Variants in EOGT observed in about 807,000 individuals in gnomAD.
The protein encoded by EOGT is EGF domain specific O-linked N-acetylglucosamine transferase, also known as EGF domain-specific O-linked N-acetylglucosamine transferase.
In EOGT, 55 loss-of-function variants were observed where a neutral mutation model predicts 70.5. The ratio of observed to expected loss-of-function variants is 0.78; its 90% CI spans 0.63 to 0.98. The LOEUF is 0.98. Among genes scored for constraint, EOGT ranks in the 50% least tolerant of loss-of-function variants. The probability of loss-of-function intolerance (pLI) is 0.00; values close to 1 mark genes in which losing one functional copy is unlikely to be tolerated. For synonymous variants in EOGT, 246 were observed against 217.1 expected, an observed-to-expected ratio of 1.13 and a Z score of -1.17; for missense variants, 703 against 641.9, an observed-to-expected ratio of 1.10 and a Z score of -1.03.
At chr3:68,980,921 C>T (rs1024937516) in intron 15 of EOGT, among the ~76,000 whole-genome samples, 23 of 152,180 alleles carry the variant, frequency 1.5e-4, no homozygotes, top group African/African-American at 5.5e-4. Context: ...GAAACTACAA[C>T]ATATCCTTAA....
At chr3:68,997,648 C>G (rs908246868) in intron 10 of EOGT, among the ~76,000 whole-genome samples, 2 of 152,126 alleles carry the variant, frequency 1.3e-5, no homozygotes, top group Non-Finnish European at 2.9e-5. Context: ...TGATTATAGG[C>G]GTGAGCCACC....
chr3:69,012,726 A>G lies in EOGT; in HGVS notation c.-282T>C, dbSNP rs983364885. 2.0e-5 allele frequency: 3 copies of G among 152,284 alleles called. No individual in the cohort carries two copies. Among genetic ancestry groups the G allele is most frequent in the Non-Finnish European group, 4.4e-5 (3 of 68,134 alleles). The allele number at this position is 152,284 out of a possible 1,614,324, so 9.4% of individuals were successfully genotyped here. On this transcript the variant is annotated 5_prime_UTR_variant, in exon 2 of 18. Coordinates refer to ENST00000383701, the MANE Select transcript of EOGT (RefSeq NM_001278689.2). ...CCAGCACACGGACGCTTTACTGGCC[A>G]GGCTACTTTTCCTTCAGCTCAAAGC...
At chr3:68,984,401 T>C (rs1415479947) in intron 14 of EOGT, among the ~76,000 whole-genome samples, 1 of 152,184 alleles carries the variant, frequency 6.6e-6, no homozygotes, top group Admixed American at 6.5e-5. Flanking sequence ...AAAGGAATCA[T>C]GTGTGCTGAC....
At chr3:68,984,555 A>T (rs980331671) in intron 14 of EOGT, among the ~76,000 whole-genome samples, 2 of 152,160 alleles carry the variant, frequency 1.3e-5, no homozygotes, top group Non-Finnish European at 2.9e-5. Flanking sequence ...GTTGATTAAT[A>T]CATACCTGTT....
chr3:69,012,217 C>T (rs1234687311), intron 2 of EOGT, among the ~76,000 whole-genome samples: 1 of 152,166 alleles, frequency 6.6e-6, no homozygotes, highest in Non-Finnish European at 1.5e-5. Flanking sequence ...GACCAGATTC[C>T]AATGGGGAAC....
intron 10 of EOGT, among the ~76,000 whole-genome samples, chr3:68,997,367 C>A (rs1007561762): frequency 6.7e-6 from 1 of 148,310 alleles, no homozygotes; most frequent in African/African-American, 2.5e-5. Context: ...GAGTGAATGA[C>A]AGCCTTTTTT....
chr3:69,002,115 C>T (rs917720142), intron 8 of EOGT, among the ~76,000 whole-genome samples: 1 of 152,120 alleles, frequency 6.6e-6, no homozygotes, highest in African/African-American at 2.4e-5. Context: ...TCGCTTGAAC[C>T]TGGGAGGCAG....
intron 10 of EOGT, among the ~76,000 whole-genome samples, chr3:68,997,583 A>G (rs1375745836): frequency 6.6e-6 from 1 of 152,128 alleles, no homozygotes. Flanking sequence ...TGGCCAGGCT[A>G]GTCTCGAACT....
intron 10 of EOGT, among the ~76,000 whole-genome samples, chr3:68,996,695 T>C (rs1347496576): frequency 6.6e-6 from 1 of 152,198 alleles, no homozygotes; most frequent in African/African-American, 2.4e-5. Flanking sequence ...CTGCTAGCAC[T>C]CCCTCTGGAA....
rs192866172 is a variant in EOGT, at chr3:68,983,999, T to G, written c.1153-1127A>C. Among the ~76,000 whole-genome samples the G allele has an allele frequency of 1.1e-4, 16 of 152,194 alleles. No individual in the cohort carries two copies. In the East Asian group the frequency reaches 3.1e-3, roughly 29 times the overall value. Reference sequence around the variant, plus strand: ...AAAACATACCAAATATCATACCAAGTAAGTATTAGTACTATGCCCACTTTA... The same window carrying G: ...AAAACATACCAAATATCATACCAAGGAAGTATTAGTACTATGCCCACTTTA... On this transcript the variant is annotated intron_variant, in intron 14 of 17. Coordinates refer to ENST00000383701, the MANE Select transcript of EOGT (RefSeq NM_001278689.2).
At chr3:69,007,516 G>T in intron 6 of EOGT, among the ~76,000 whole-genome samples, 197 bp downstream of exon 6, 1 of 102,610 alleles carries the variant, frequency 9.7e-6, no homozygotes, top group East Asian at 2.8e-4. Context: ...GCGGGGGGGG[G>T]TGGCACGCGC....
intron 16 of EOGT, 131 bp from the exon 17 acceptor site, chr3:68,978,566 A>T (rs967982143): frequency 9.4e-5 from 56 of 596,984 alleles, no homozygotes; most frequent in Non-Finnish European, 1.5e-4. Flanking sequence ...TGAGGAAGAC[A>T]GTAAACAAGA....
chr3:69,001,616 A>G lies in EOGT; in HGVS notation c.719T>C (p.Leu240Ser), dbSNP rs750452142. ...AAAAAGTTATTTCTCACCTGCATCT[A>G]ATTTCATGAAATATGTTGGTTTTTC... Reference protein sequence around the residue: ...VIEKPTYFMKLDAGVNMYHHF... With the variant: ...VIEKPTYFMKSDAGVNMYHHF... Residue 240 changes from leucine (L) to serine (S), a missense_variant, in exon 9 of 18, where the codon TTA becomes TCA. Leu to Ser is a moderately radical substitution (Grantham distance 145). Coordinates refer to ENST00000383701, the MANE Select transcript of EOGT (RefSeq NM_001278689.2). 2 of 1,594,926 alleles carry G rather than the reference A, an allele frequency of 1.3e-6. No homozygotes were observed. The highest frequency in any genetic ancestry group is 1.7e-5 in the Admixed American group (1 of 58,648).
In EOGT at chr3:68,979,725, T is replaced by C. The variant is rs2090580089; in HGVS notation, c.1277A>G (p.His426Arg). 1.9e-6 allele frequency: 3 copies of C among 1,613,838 alleles called. No individual in the cohort carries two copies. The highest frequency in any genetic ancestry group is 2.5e-6 in the Non-Finnish European group (3 of 1,179,798). Residue 426 changes from histidine to arginine, a missense_variant, in exon 16 of 18, where the codon CAT becomes CGT. His to Arg is a conservative substitution (Grantham distance 29). Transcript: ENST00000383701. ...THNTDIFIGM[H>R]GAGLTHLLFL... ...AAGTAAATGGGTCAGACCAGCTCCATGCATTCCAATAAATATGTCCGTGTT... is the reference window on the plus strand; with the variant it reads ...AAGTAAATGGGTCAGACCAGCTCCACGCATTCCAATAAATATGTCCGTGTT...
chr3:68,987,682 G>T, intron 13 of EOGT, 169 bp from the exon 14 acceptor site: 2 of 613,140 alleles, frequency 3.3e-6, no homozygotes. Flanking sequence ...GAATAAAAAT[G>T]TATCCACTTC....
intron 4 of EOGT, among the ~76,000 whole-genome samples, chr3:69,009,435 G>T (rs1031636587): frequency 6.6e-6 from 1 of 152,124 alleles, no homozygotes; most frequent in Non-Finnish European, 1.5e-5. Context: ...AAGTGATTTA[G>T]ATTTTAAATT....
intron 3 of EOGT, among the ~76,000 whole-genome samples, chr3:69,011,156 C>G (rs903126076): frequency 2.7e-5 from 4 of 147,526 alleles, no homozygotes; most frequent in African/African-American, 1.0e-4. Context: ...AGACAATGAT[C>G]CTGCCATTCT....
In EOGT at chr3:68,983,668, A is replaced by G. The variant is rs868065433; in HGVS notation, c.1153-796T>C. Among the ~76,000 whole-genome samples the G allele has an allele frequency of 2.0e-5, 3 of 152,358 alleles. No homozygotes were observed. The South Asian group carries it at 6.2e-4, about 32-fold the overall frequency. Reference sequence around the variant, plus strand: ...AGGTTTACTTCACTTAATCCTCGTAAGAATCACACCAGTGGCTGGGCGCAG... The same window carrying G: ...AGGTTTACTTCACTTAATCCTCGTAGGAATCACACCAGTGGCTGGGCGCAG... On this transcript the variant is annotated intron_variant, in intron 14 of 17. Coordinates refer to ENST00000383701, the MANE Select transcript of EOGT (RefSeq NM_001278689.2).
intron 15 of EOGT, among the ~76,000 whole-genome samples, chr3:68,981,064 C>A (rs945615181): frequency 1.3e-5 from 2 of 152,204 alleles, no homozygotes; most frequent in African/African-American, 2.4e-5. Flanking sequence ...TCAAGCAACA[C>A]TGACACAACA....
Sources: allele counts gnomAD v4.1 joint callset (sites outside exome capture counted in the v4.1 genomes callset), GRCh38; gene constraint gnomAD v4.1.1; transcripts MANE v1.5; gene names NCBI Gene and HGNC (gene_info 2026-07-23, HGNC 2026-07-21).